Variants in ACAP2 observed in about 807,000 individuals in gnomAD.
The protein encoded by ACAP2 is arf-GAP with coiled-coil, ANK repeat and PH domain-containing protein 2.
A neutral mutation model predicts 115.8 loss-of-function variants in ACAP2; 39 were observed. The ratio of observed to expected loss-of-function variants is 0.34; its 90% confidence interval spans 0.26 to 0.44. ACAP2 has a LOEUF of 0.44. Ranked by LOEUF, ACAP2 falls within the 20% of genes least tolerant of loss-of-function variation. The pLI is 1.00. For synonymous variants in ACAP2, 289 were observed against 315.8 expected, an observed-to-expected ratio of 0.92 and a Z score of 0.90; for missense variants, 662 against 927.6, an observed-to-expected ratio of 0.71 and a Z score of 3.72.
intron 4 of ACAP2, among the ~76,000 whole-genome samples, chr3:195,379,085 T>C (rs564215286): frequency 1.3e-5 from 2 of 152,176 alleles, no homozygotes; most frequent in South Asian, 4.1e-4. Context: ...AAAACTTTCT[T>C]ATTAAAGAGA....
Position 195,302,063 on chromosome 3 carries a change from C to T in ACAP2, c.1228G>A (p.Gly410Ser), listed in dbSNP as rs1432822733. The T allele has an allele frequency of 6.2e-7, 1 of 1,614,020 alleles. No individual in the cohort carries two copies. Among genetic ancestry groups the T allele is most frequent in the East Asian group, 2.2e-5 (1 of 44,902 alleles). Residue 410 changes from glycine to serine, a missense_variant, in exon 14 of 23, where the codon GGC becomes AGC. By Grantham distance (56) the Gly-to-Ser change is moderately conservative. Around this residue, in one of 3 missense-constraint regions of ACAP2, gnomAD observed 401 missense variants for 604.4 expected, o/e 0.66. Coordinates refer to ENST00000326793, the MANE Select transcript of ACAP2 (RefSeq NM_012287.6). ...CCACAGTCACAACAGCTGGCATTGCCAGGGATACACTGGACCCGCTGAAGC... is the reference window on the plus strand; with the variant it reads ...CCACAGTCACAACAGCTGGCATTGCTAGGGATACACTGGACCCGCTGAAGC... ...SALQRVQCIP[G>S]NASCCDCGLA...
rs577511352 is a variant in ACAP2 at position 195,389,299 on chromosome 3, C to T, written c.111+2791G>A. ...TGTGCCCTACCCCAAGTGAATAATACAAAGGAAAAAAGAATCCACTCATAA... is the reference window on the plus strand; with the variant it reads ...TGTGCCCTACCCCAAGTGAATAATATAAAGGAAAAAAGAATCCACTCATAA... On this transcript the variant is annotated intron_variant, in intron 2 of 22. Transcript: ENST00000326793. Among the ~76,000 whole-genome samples, 21 of 151,946 alleles carry T rather than the reference C, an allele frequency of 1.4e-4. No homozygotes were observed. The South Asian group carries it at 4.4e-3, about 32-fold the overall frequency.
At chr3:195,295,057 G>A (rs574845457) in intron 17 of ACAP2, 63 of 422,786 alleles carry the variant, frequency 1.5e-4, no homozygotes, top group African/African-American at 1.2e-3. Context: ...AATATGTCAG[G>A]GGTAGTAAAG....
intron 4 of ACAP2, among the ~76,000 whole-genome samples, chr3:195,353,677 G>A (rs76391931): frequency 0.021 from 3,261 of 152,260 alleles, 110 homozygotes; most frequent in East Asian, 0.1. Flanking sequence ...ATTATTTGTA[G>A]CGATTTCATG....
At chr3:195,296,313 T>C (rs1727654813) in intron 16 of ACAP2, among the ~76,000 whole-genome samples, 1 of 152,182 alleles carries the variant, frequency 6.6e-6, no homozygotes. Context: ...TATTGATGGC[T>C]ATTTTTCATA....
chr3:195,380,516 T>C (rs1733873639), intron 4 of ACAP2, among the ~76,000 whole-genome samples: 1 of 152,184 alleles, frequency 6.6e-6, no homozygotes, highest in Admixed American at 6.5e-5. Flanking sequence ...AAGTAATATA[T>C]ATCCCTCATT....
chr3:195,416,109 A>T (rs939711155), intron 1 of ACAP2, among the ~76,000 whole-genome samples: 3 of 152,214 alleles, frequency 2.0e-5, no homozygotes, highest in Non-Finnish European at 4.4e-5. Flanking sequence ...GCACTTTGGG[A>T]GGCCGAGGTG....
chr3:195,380,473 C>T (rs1388752282), intron 4 of ACAP2, among the ~76,000 whole-genome samples: 1 of 152,096 alleles, frequency 6.6e-6, no homozygotes, highest in Non-Finnish European at 1.5e-5. Flanking sequence ...TAAACTTTTG[C>T]AAACTTTGTA....
chr3:195,408,486 T>A (rs756425705), intron 1 of ACAP2, among the ~76,000 whole-genome samples: 1 of 151,846 alleles, frequency 6.6e-6, no homozygotes, highest in Non-Finnish European at 1.5e-5. Flanking sequence ...AAAAATTAAG[T>A]CCTAGACCTA....
chr3:195,304,827 C>G (rs1220694235), intron 13 of ACAP2, among the ~76,000 whole-genome samples: 1 of 152,196 alleles, frequency 6.6e-6, no homozygotes, highest in Non-Finnish European at 1.5e-5. Context: ...CCACAGTCAA[C>G]AAAGTCCTAA....
intron 20 of ACAP2, 44 bp downstream of exon 20, chr3:195,291,662 T>A (rs1301994232): frequency 6.6e-7 from 1 of 1,513,840 alleles, no homozygotes; most frequent in East Asian, 2.3e-5. Flanking sequence ...TTCAAAATAA[T>A]TTTTCAAATA....
rs545462916 is a variant in ACAP2, at chr3:195,297,261, A to G, written c.1416T>C (p.Asn472=). ...CTTCATAAACTCGATTTATAACATC[A>G]TTCCCCAACTCACACATAAGCTGTT... ...ELLKLMCELG[N]DVINRVYEAN... is the part of the protein sequence containing the mutation. Residue 472 remains asparagine, a synonymous_variant, in exon 16 of 23, where the codon AAT becomes AAC. Transcript: ENST00000326793. 6.2e-7 allele frequency: 1 copy of G among 1,612,954 alleles called. No homozygotes were observed. Among genetic ancestry groups the G allele is most frequent in the Non-Finnish European group, 8.5e-7 (1 of 1,179,680 alleles).
intron 1 of ACAP2, 114 bp from the exon 2 acceptor site, chr3:195,392,261 C>T: frequency 1.3e-6 from 1 of 782,962 alleles, no homozygotes; most frequent in South Asian, 1.7e-5. Context: ...TTACACTTCA[C>T]ATGAAGTAAT....
At chr3:195,433,304 G>GT (rs756550765) in intron 1 of ACAP2, among the ~76,000 whole-genome samples, 2 of 150,534 alleles carry the variant, frequency 1.3e-5, no homozygotes, top group South Asian at 2.1e-4. Flanking sequence ...ATTTTTTATT[G>GT]TTTTTTTCCA....
intron 1 of ACAP2, among the ~76,000 whole-genome samples, chr3:195,399,600 C>A (rs918171713): frequency 6.8e-6 from 1 of 147,642 alleles, no homozygotes; most frequent in East Asian, 2.2e-4. Flanking sequence ...AAAAAAAAAA[C>A]TTTTTTTAAA....
At chr3:195,308,734 G>C (rs1448388243) in intron 11 of ACAP2, 52 bp downstream of exon 11, 20 of 1,434,664 alleles carry the variant, frequency 1.4e-5, no homozygotes, top group South Asian at 8.4e-5. Flanking sequence ...TACCAAAACA[G>C]ATAAATAACT....
chr3:195,381,212 G>A, intron 3 of ACAP2, 150 bp from the exon 4 acceptor site: 1 of 628,160 alleles, frequency 1.6e-6, no homozygotes, highest in Non-Finnish European at 2.8e-6. Flanking sequence ...CTACCTTATG[G>A]GTACACTCTG....
chr3:195,420,934 G>A (rs1035347960), intron 1 of ACAP2, among the ~76,000 whole-genome samples: 1 of 152,022 alleles, frequency 6.6e-6, no homozygotes. Flanking sequence ...GTGAGCCGCC[G>A]CACCTGGCCC....
chr3:195,281,361 C>T lies in ACAP2; in HGVS notation c.2237-1933G>A, dbSNP rs750509690. ...CAGAGCTTGCAGTGAGCCAAGATCGCGCCACTGCACTCCAGCCTGGGCAAC... is the reference window on the plus strand; with the variant it reads ...CAGAGCTTGCAGTGAGCCAAGATCGTGCCACTGCACTCCAGCCTGGGCAAC... On this transcript the variant is annotated intron_variant, in intron 22 of 22. Coordinates refer to ENST00000326793, the MANE Select transcript of ACAP2 (RefSeq NM_012287.6). Among the ~76,000 whole-genome samples, 13 of 151,784 alleles carry T rather than the reference C, an allele frequency of 8.6e-5. No homozygotes were observed. In the East Asian group the frequency reaches 1.2e-3, roughly 14 times the overall value.
Sources: gnomAD v4.1 joint callset for allele counts (sites outside exome capture counted in the v4.1 genomes callset) on GRCh38, gnomAD v4.1.1 for gene constraint, gnomAD v4.1.1 regional missense constraint, MANE v1.5 for transcripts, NCBI Gene and HGNC (gene_info 2026-07-23, HGNC 2026-07-21) for gene names.